The following PNKP variants were observed in gnomAD, a reference collection of about 807,000 sequenced individuals.
The protein encoded by PNKP is polynucleotide kinase 3'-phosphatase.
In PNKP, 82 loss-of-function variants were observed where a neutral mutation model predicts 66.2. The observed-to-expected ratio is 1.24, with a 90% CI of 1.04 to 1.49. PNKP has a LOEUF of 1.49. Among genes scored for constraint, PNKP ranks in the 40% most tolerant of loss-of-function variants. The probability of loss-of-function intolerance (pLI) is 0.00; values close to 1 mark genes in which losing one functional copy is unlikely to be tolerated. For missense variants in PNKP, 907 were observed against 706.8 expected (o/e 1.28, Z -3.21); for synonymous variants, 412 against 298.9 (o/e 1.38, Z -3.90).
Position 49,867,502 on chromosome 19 carries a change from G to A in PNKP, c.-47C>T, listed in dbSNP as rs1487640562. 8.7e-6 allele frequency: 4 copies of A among 460,596 alleles called. No homozygotes were observed. Among genetic ancestry groups the A allele is most frequent in the Non-Finnish European group, 1.2e-5 (3 of 252,776 alleles). 28.5% of individuals were successfully genotyped at this position (460,596 alleles called of 1,614,324 possible). ...GCGGCTTGGGCTCACGGCCACTTCC[G>A]ACCAGGGAGGTCCTGCCCGAGGTGC... On this transcript the variant is annotated 5_prime_UTR_variant, in exon 1 of 17. Transcript: ENST00000322344.
rs2074773935 is a variant in PNKP at position 49,862,065 on chromosome 19, G to A, written c.1167C>T (p.Ala389=). The A allele has an allele frequency of 3.7e-6, 6 of 1,614,156 alleles. No homozygotes were observed. The highest frequency in any genetic ancestry group is 1.1e-5 in the South Asian group (1 of 91,076). ...ATACCCTGTTCACGTGGACATATCC[G>A]GCCGACACGAGGTGCTTCTTGAGAA... ...STFLKKHLVS[A]GYVHVNRDTL... is the part of the protein sequence containing the mutation. Residue 389 remains alanine, a synonymous_variant, in exon 13 of 17, where the codon GCC becomes GCT. Transcript: ENST00000322344.
At chr19:49,866,705 T>C (rs1372083678) in intron 2 of PNKP, 2 of 612,212 alleles carry the variant, frequency 3.3e-6, no homozygotes, top group Non-Finnish European at 5.9e-6. Context: ...TAGATATAGG[T>C]CCGGGGCTTG....
Position 49,867,366 on chromosome 19 carries a change from C to G in PNKP, c.-14+103G>C, listed in dbSNP as rs1218139607. 2.7e-5 allele frequency: 22 copies of G among 800,964 alleles called. No homozygotes were observed. In the Admixed American group the frequency reaches 4.6e-4, roughly 17 times the overall value. 49.6% of individuals were successfully genotyped at this position (800,964 alleles called of 1,614,324 possible). ...CGCCTTCCGCGGGTCGACCCGTTTC[C>G]CAGGCGACGACGCGTGCTCCATCCC... is the stretch of plus-strand genomic sequence containing the variant. On this transcript the variant is annotated intron_variant, in intron 1 of 16. Transcript: ENST00000322344.
At position 49,862,500 on chromosome 19, in the gene PNKP, G is replaced by GTCGGGC. The variant is rs2074782997; in HGVS notation, c.936+32_936+37dup. On this transcript the variant is annotated intron_variant, in intron 10 of 16. Transcript: ENST00000322344. ...GGACGAACATCAGACACAGGCCAGG[G>GTCGGGC]TCGGGCTCGGGCGCGGGGCAGGGGG... 3.1e-6 allele frequency: 5 copies of GTCGGGC among 1,598,880 alleles called. 1 individual carries two copies. In the Middle Eastern group the frequency reaches 6.6e-4, roughly 211 times the overall value.
intron 3 of PNKP, chr19:49,866,044 G>T: frequency 2.8e-6 from 1 of 355,858 alleles, no homozygotes; most frequent in Non-Finnish European, 5.4e-6. Context: ...ACAGGTTCTC[G>T]CTCTGTCACC....
Position 49,861,824 on chromosome 19 carries a change from C to A in PNKP, c.1246G>T (p.Gly416Trp). The A allele has an allele frequency of 6.3e-7, 1 of 1,589,598 alleles. No individual in the cohort carries two copies. Reference protein sequence around the residue: ...VTTCETALKQGKRVAIDNTNP... With the variant: ...VTTCETALKQWKRVAIDNTNP... ...GTGTTGTCGATGGCGACCCGTTTCC[C>A]TTGCTTCAGGGCTGTCTCACACGTG... is the stretch of plus-strand genomic sequence containing the variant. Residue 416 changes from glycine (G) to tryptophan (W), a missense_variant, in exon 14 of 17, where the codon GGG (glycine) becomes TGG (tryptophan). Coordinates refer to ENST00000322344, the MANE Select transcript of PNKP (RefSeq NM_007254.4).
In PNKP at chr19:49,865,115, C is replaced by T. The variant is rs1472914671; in HGVS notation, c.498+12G>A. The stretch of plus-strand genomic sequence containing the variant: ...CTGTGGCGGCTCCCTCAGCCCTCGG[C>T]GTGGCCCTCACCTTGCCCTGGGGTT... On this transcript the variant is annotated intron_variant, in intron 4 of 16. Transcript: ENST00000322344. The T allele has an allele frequency of 1.9e-6, 3 of 1,611,792 alleles. No homozygotes were observed. Among genetic ancestry groups the T allele is most frequent in the South Asian group, 1.1e-5 (1 of 91,010 alleles).
intron 3 of PNKP, 37 bp from the exon 4 acceptor site, chr19:49,865,463 C>A (rs764038249): frequency 6.7e-7 from 1 of 1,496,268 alleles, no homozygotes; most frequent in Non-Finnish European, 9.1e-7. Context: ...ACTGGCTCCG[C>A]CCCCACCGGG....
intron 8 of PNKP, 174 bp from the exon 9 acceptor site, chr19:49,862,912 G>T: frequency 2.8e-6 from 2 of 709,868 alleles, no homozygotes; most frequent in Non-Finnish European, 5.0e-6. Context: ...TCCCCCCTCC[G>T]TGGTCTCTCC....
In PNKP at chr19:49,862,024, CG is replaced by C. The variant is rs1568659520; in HGVS notation, c.1188+19del. 6.2e-7 allele frequency: 1 copy of C among 1,613,456 alleles called. No individual in the cohort carries two copies. The highest frequency in any genetic ancestry group is 1.1e-5 in the South Asian group (1 of 91,060). On this transcript the variant is annotated intron_variant, in intron 13 of 16. Transcript: ENST00000322344. ...TGGGAACTTTATAATAGATTTGGGGCGGCAAAAGCCTGGTCATACCCTGTTC... is the reference window on the plus strand; with the variant it reads ...TGGGAACTTTATAATAGATTTGGGGCGCAAAAGCCTGGTCATACCCTGTTC...
intron 3 of PNKP, 171 bp from the exon 4 acceptor site, chr19:49,865,597 GAATCTTTTTTTTTTTTTTT>G: frequency 3.9e-6 from 2 of 513,408 alleles, no homozygotes; most frequent in Non-Finnish European, 6.8e-6. Flanking sequence ...AGCCTTGTCC[GAATCTTTTTTTTTTTTTTT>G]TTTTTTTTTC....
At chr19:49,867,351 G>A in intron 1 of PNKP, 118 bp downstream of exon 1, 2 of 936,922 alleles carry the variant, frequency 2.1e-6, no homozygotes, top group Non-Finnish European at 3.1e-6. Context: ...CGCCTTCCGC[G>A]GGTCGACCCG....
chr19:49,864,522 GGGAAA>G, intron 4 of PNKP, 119 bp from the exon 5 acceptor site: 2 of 799,326 alleles, frequency 2.5e-6, no homozygotes, highest in Non-Finnish European at 4.4e-6. Flanking sequence ...CTCACAGATG[GGGAAA>G]CCGAGTCACA....
At chr19:49,863,519 T>C (rs1398340218) in intron 8 of PNKP, among the ~76,000 whole-genome samples, 170 bp downstream of exon 8, 2 of 152,364 alleles carry the variant, frequency 1.3e-5, no homozygotes, top group African/African-American at 4.8e-5. Context: ...GTAGAAAGTC[T>C]GAAAGCACTG....
In PNKP at chr19:49,862,729, CGTCGTT is replaced by C. The variant is rs1600418728; in HGVS notation, c.820_825del (p.Asn274_Asp275del). 6.2e-7 allele frequency: 1 copy of C among 1,614,098 alleles called. No individual in the cohort carries two copies. The highest frequency in any genetic ancestry group is 1.1e-5 in the South Asian group (1 of 91,086). On this transcript the variant is annotated inframe_deletion, in exon 9 of 17. Coordinates refer to ENST00000322344, the MANE Select transcript of PNKP (RefSeq NM_007254.4). ...CTGTCCCCGATGGATATGGGCGTGCCGTCGTTGGCCTACGGGAGACGGTAGTGAGGA... is the reference window on the plus strand; with the variant it reads ...CTGTCCCCGATGGATATGGGCGTGCCGGCCTACGGGAGACGGTAGTGAGGA...
At chr19:49,861,553 G>T in intron 15 of PNKP, 43 bp from the exon 16 acceptor site, 1 of 1,569,070 alleles carries the variant, frequency 6.4e-7, no homozygotes. Context: ...GGGGTCAGGG[G>T]AGGAGGGGGG....
Position 49,862,520 on chromosome 19 carries a change from AG to A in PNKP, c.936+17del. ...CCAGGGTCGGGCTCGGGCGCGGGGC[AG>A]GGGGCAGGGGCCTCACCAGGCGATC... On this transcript the variant is annotated intron_variant, in intron 10 of 16. Transcript: ENST00000322344. 6.2e-7 allele frequency: 1 copy of A among 1,605,198 alleles called. No individual in the cohort carries two copies.
At position 49,865,160 on chromosome 19, in the gene PNKP, C is replaced by G; in HGVS notation, c.465G>C (p.Val155=). 6.2e-7 allele frequency: 1 copy of G among 1,614,210 alleles called. No individual in the cohort carries two copies. The highest frequency in any genetic ancestry group is 1.1e-5 in the South Asian group (1 of 91,092). Reference sequence around the variant, plus strand: ...GGGGTTTCACCCCAGCTGCGGTGAACACTAGCAACTTCTCCAAGTTCTCCC... The same window carrying G: ...GGGGTTTCACCCCAGCTGCGGTGAAGACTAGCAACTTCTCCAAGTTCTCCC... ...PGWENLEKLL[V]FTAAGVKPQG... is the part of the protein sequence containing the mutation. The change falls in exon 4 of 17, where the codon GTG becomes GTC. Residue 155 remains valine, a synonymous_variant. Coordinates refer to ENST00000322344, the MANE Select transcript of PNKP (RefSeq NM_007254.4).
intron 14 of PNKP, 27 bp from the exon 15 acceptor site, chr19:49,861,722 G>A (rs895695725): frequency 6.5e-7 from 1 of 1,549,006 alleles, no homozygotes; most frequent in Non-Finnish European, 8.7e-7. Context: ...TGGATGTGCA[G>A]GCCCCGCCCA....
Sources: gnomAD v4.1 joint callset for allele counts (sites outside exome capture counted in the v4.1 genomes callset) on GRCh38, gnomAD v4.1.1 for gene constraint, MANE v1.5 for transcripts, NCBI Gene and HGNC (gene_info 2026-07-23, HGNC 2026-07-21) for gene names.